The following CDH13 variants were observed in gnomAD, a reference collection of about 807,000 sequenced individuals.
CDH13 encodes the protein cadherin 13.
A neutral mutation model predicts 63.8 loss-of-function variants in CDH13; 24 were observed. The ratio of observed to expected loss-of-function variants is 0.38; its 90% CI spans 0.27 to 0.53. CDH13 has a LOEUF of 0.53. Ranked by LOEUF, CDH13 falls within the 20% of genes least tolerant of loss-of-function variation. The pLI, the probability that CDH13 is intolerant of heterozygous loss-of-function variation, is 0.85. For missense variants in CDH13, 1,049 were observed against 903.1 expected, an observed-to-expected ratio of 1.16 and a Z score of -2.07; for synonymous variants, 503 against 355.3, an observed-to-expected ratio of 1.42 and a Z score of -4.67.
At chr16:82,727,192 G>T (rs961789239) in intron 1 of CDH13, among the ~76,000 whole-genome samples, 5 of 152,024 alleles carry the variant, frequency 3.3e-5, no homozygotes, top group African/African-American at 9.7e-5. Context: ...TATTTTTTTG[G>T]CATTTTCTTC....
At chr16:83,659,034 A>C (rs1260903337) in intron 8 of CDH13, among the ~76,000 whole-genome samples, 5 of 136,128 alleles carry the variant, frequency 3.7e-5, no homozygotes, top group African/African-American at 1.4e-4. Flanking sequence ...TATCCTCACC[A>C]GCAAGGTTCC....
chr16:82,645,404 G>T (rs182614043), intron 1 of CDH13, among the ~76,000 whole-genome samples: 51 of 152,236 alleles, frequency 3.4e-4, no homozygotes, highest in South Asian at 1.9e-3. Flanking sequence ...TAAACCGTTG[G>T]CTCTCAACTG....
chr16:82,704,947 A>T, intron 1 of CDH13: 1 of 348,028 alleles, frequency 2.9e-6, no homozygotes, highest in South Asian at 2.2e-5. Flanking sequence ...ATTGACAGAC[A>T]CCTAAGGCAG....
intron 4 of CDH13, among the ~76,000 whole-genome samples, chr16:83,159,027 C>G (rs571730625): frequency 1.3e-5 from 2 of 152,278 alleles, no homozygotes; most frequent in Non-Finnish European, 2.9e-5. Flanking sequence ...TTTTCACTCA[C>G]AATTCCTACA....
chr16:83,778,692 A>G (rs569833369), intron 11 of CDH13, among the ~76,000 whole-genome samples: 1 of 152,326 alleles, frequency 6.6e-6, no homozygotes, highest in African/African-American at 2.4e-5. Context: ...GATTGCTTCT[A>G]TGCCCCTGTA....
chr16:83,736,722 A>G (rs546923316), intron 10 of CDH13, among the ~76,000 whole-genome samples: 4 of 152,324 alleles, frequency 2.6e-5, no homozygotes, highest in Admixed American at 2.0e-4. Flanking sequence ...TGCAAAATGG[A>G]CTAGCAAGCC....
rs77540914 is a variant in CDH13, at chr16:83,149,511, A to T, written c.483+24010A>T. Among the ~76,000 whole-genome samples, 1,195 of 152,326 alleles carry T rather than the reference A, an allele frequency of 7.8e-3. 19 individuals carry two copies. The highest frequency in any genetic ancestry group is 0.028 in the African/African-American group (1,152 of 41,568). On this transcript the variant is annotated intron_variant, in intron 4 of 13. Transcript: ENST00000567109. ...TACAATTGAATTCAATTCCACAAGT[A>T]ATTCATGGAAACTTATCATGTGCTA... is the stretch of plus-strand genomic sequence containing the variant.
At chr16:83,206,282 C>A (rs2039179335) in intron 4 of CDH13, among the ~76,000 whole-genome samples, 2 of 152,182 alleles carry the variant, frequency 1.3e-5, no homozygotes. Context: ...CAGAATTCAC[C>A]TAAGACTTCC....
chr16:82,664,284 G>A (rs1459129512), intron 1 of CDH13, among the ~76,000 whole-genome samples: 1 of 152,244 alleles, frequency 6.6e-6, no homozygotes, highest in Middle Eastern at 3.2e-3. Flanking sequence ...GAGTAGGAGG[G>A]TTGTTGGAAG....
chr16:83,215,937 A>AC (rs1303424850), intron 4 of CDH13, among the ~76,000 whole-genome samples: 2 of 152,128 alleles, frequency 1.3e-5, no homozygotes, highest in Non-Finnish European at 2.9e-5. Context: ...TCTAGATTCC[A>AC]CTTATGCCAA....
intron 8 of CDH13, among the ~76,000 whole-genome samples, chr16:83,661,048 C>CTTTT (rs5818462): frequency 1.4e-5 from 2 of 144,092 alleles, no homozygotes; most frequent in African/African-American, 5.0e-5. Flanking sequence ...AGCAGCAAAA[C>CTTTT]TTTTTTTTTT....
intron 1 of CDH13, among the ~76,000 whole-genome samples, chr16:82,842,810 TC>T (rs1353746378): frequency 6.6e-6 from 1 of 152,176 alleles, no homozygotes; most frequent in African/African-American, 2.4e-5. Flanking sequence ...GACAGTCTCA[TC>T]TAGGGTGATG....
chr16:83,512,789 C>T (rs1363166768), intron 7 of CDH13, among the ~76,000 whole-genome samples: 2 of 152,026 alleles, frequency 1.3e-5, no homozygotes, highest in Non-Finnish European at 2.9e-5. Context: ...TAGAAGTAGC[C>T]ACATCCCCTG....
intron 6 of CDH13, among the ~76,000 whole-genome samples, chr16:83,406,946 A>G (rs904406219): frequency 1.3e-5 from 2 of 152,272 alleles, no homozygotes; most frequent in Non-Finnish European, 2.9e-5. Context: ...AAATTAGTTT[A>G]TGACTATTAC....
intron 2 of CDH13, among the ~76,000 whole-genome samples, chr16:82,998,862 C>T (rs1317738035): frequency 1.6e-5 from 2 of 128,562 alleles, no homozygotes; most frequent in Non-Finnish European, 1.6e-5. Flanking sequence ...CCCCTTGATC[C>T]TTTTTTTTTT....
At chr16:83,030,371 C>G (rs893212443) in intron 2 of CDH13, among the ~76,000 whole-genome samples, 53 of 152,098 alleles carry the variant, frequency 3.5e-4, no homozygotes, top group African/African-American at 1.1e-3. Flanking sequence ...TAAAAAGTAC[C>G]CTGTGGGCCG....
intron 4 of CDH13, among the ~76,000 whole-genome samples, chr16:83,198,773 A>C (rs1043626427): frequency 2.0e-5 from 3 of 152,282 alleles, no homozygotes; most frequent in Non-Finnish European, 4.4e-5. Context: ...GCTTTCCCTT[A>C]GGAGAGGTAC....
intron 1 of CDH13, among the ~76,000 whole-genome samples, chr16:82,678,418 C>T (rs1185576624): frequency 6.7e-6 from 1 of 149,266 alleles, no homozygotes; most frequent in Non-Finnish European, 1.5e-5. Context: ...GTTTGCTTAT[C>T]TGTTTTCAGT....
chr16:83,197,499 T>G (rs561454758), intron 4 of CDH13, among the ~76,000 whole-genome samples: 5 of 152,164 alleles, frequency 3.3e-5, no homozygotes, highest in Non-Finnish European at 7.3e-5. Flanking sequence ...TATTCATTCT[T>G]TCTAATTTTT....
Sources: allele counts gnomAD v4.1 joint callset (sites outside exome capture counted in the v4.1 genomes callset), GRCh38; gene constraint gnomAD v4.1.1; transcripts MANE v1.5; gene names NCBI Gene and HGNC (gene_info 2026-07-23, HGNC 2026-07-21).